USH2A: variants seen among roughly 807,000 people sequenced by gnomAD.
USH2A encodes usherin.
USH2A carries 443 observed loss-of-function variants against 538.9 expected under a neutral mutation model. That is an observed-to-expected ratio of 0.82 (90% confidence interval 0.76 to 0.89). The LOEUF (loss-of-function observed/expected upper bound fraction) is 0.89. Ranked by LOEUF, USH2A falls within the 40% of genes least tolerant of loss-of-function variation. The pLI is 0.00. For synonymous variants in USH2A, 2,413 were observed against 2,273.5 expected (o/e 1.06, Z -1.75); for missense variants, 6,633 against 6,324.8 (o/e 1.05, Z -1.65).
At chr1:215,966,816 G>T (rs1317628210) in intron 36 of USH2A, among the ~76,000 whole-genome samples, 8 of 152,126 alleles carry the variant, frequency 5.3e-5, no homozygotes, top group Non-Finnish European at 1.0e-4. Context: ...CAAATAAAAT[G>T]AGACTTGAAA....
chr1:216,380,867 C>A (rs1243821277), intron 3 of USH2A, among the ~76,000 whole-genome samples: 1 of 152,060 alleles, frequency 6.6e-6, no homozygotes, highest in East Asian at 1.9e-4. Flanking sequence ...TTTTACCAAA[C>A]TCAATATTTC....
chr1:215,757,211 T>A (rs1021306010), intron 58 of USH2A, among the ~76,000 whole-genome samples: 3 of 152,266 alleles, frequency 2.0e-5, no homozygotes, highest in Non-Finnish European at 4.4e-5. Flanking sequence ...GTACATTTAA[T>A]ATCTTAGAGC....
intron 61 of USH2A, among the ~76,000 whole-genome samples, chr1:215,716,407 C>T (rs1054869148): frequency 6.6e-6 from 1 of 152,216 alleles, no homozygotes; most frequent in Non-Finnish European, 1.5e-5. Context: ...TGGCATAAAA[C>T]CTGAATCTCA....
chr1:216,396,852 C>CTATATAT (rs1219270329), intron 3 of USH2A, among the ~76,000 whole-genome samples: 1 of 152,154 alleles, frequency 6.6e-6, no homozygotes, highest in African/African-American at 2.4e-5. Flanking sequence ...TTCGTTGAAA[C>CTATATAT]TATGTAAAAA....
At position 216,200,067 on chromosome 1, in the gene USH2A, T is replaced by G. The variant is rs1156460586; in HGVS notation, c.3371A>C (p.Tyr1124Ser). ...DLLPYTKYSYYIETTNVHGST... is the reference protein window; with the variant it reads ...DLLPYTKYSYSIETTNVHGST... ...ACCATGCACATTGGTGGTCTCAATG[T>G]AATAGGAATATTTGGTATATGGTAA... The change falls in exon 17 of 72, where the codon TAC becomes TCC. Residue 1124 changes from tyrosine (Y) to serine (S), a missense_variant. Tyr to Ser is a moderately radical substitution (Grantham distance 144). Transcript: ENST00000307340. 1 of 1,613,572 alleles carries G rather than the reference T, an allele frequency of 6.2e-7. No individual in the cohort carries two copies. Among genetic ancestry groups the G allele is most frequent in the Non-Finnish European group, 8.5e-7 (1 of 1,179,916 alleles).
intron 3 of USH2A, among the ~76,000 whole-genome samples, chr1:216,373,063 T>A (rs1265221264): frequency 6.6e-6 from 1 of 152,192 alleles, no homozygotes; most frequent in African/African-American, 2.4e-5. Flanking sequence ...AAACTGCTCT[T>A]CATACTCTCA....
At chr1:216,172,806 A>G (rs452747) in intron 21 of USH2A, among the ~76,000 whole-genome samples, 144,367 of 152,202 alleles carry the variant, frequency 0.95, 68,527 homozygotes, top group African/African-American at 0.98. Context: ...TAGCAGTGTC[A>G]GATAAGGAAT....
In USH2A at chr1:216,247,001, T is replaced by A. The variant is rs148431156; in HGVS notation, c.2393A>T (p.Asp798Val). Residue 798 changes from aspartate (D) to valine (V), a missense_variant, in exon 13 of 72, where the codon GAC becomes GTC. By Grantham distance (152) the Asp-to-Val change is radical. Coordinates refer to ENST00000307340, the MANE Select transcript of USH2A (RefSeq NM_206933.4). ...DVTNCKACDC[D>V]TAGSLPGTVC... is the part of the protein sequence containing the mutation. ...AGTCCCAGGGAGGGATCCAGCTGTG[T>A]CACAGTCACAGGCCTTACAATTGGT... 3.3e-5 allele frequency: 53 copies of A among 1,613,942 alleles called. No individual in the cohort carries two copies. The African/African-American group carries it at 6.9e-4, about 21-fold the overall frequency.
chr1:216,177,836 C>G lies in USH2A; in HGVS notation c.4397-2354G>C, dbSNP rs190853229. On this transcript the variant is annotated intron_variant, in intron 20 of 71. Transcript: ENST00000307340. ...AGTTTGTGAGCTGAGATTTATTCCCCCTTTAAGTATGTCTGCTGGATTTGA... is the reference window on the plus strand; with the variant it reads ...AGTTTGTGAGCTGAGATTTATTCCCGCTTTAAGTATGTCTGCTGGATTTGA... Among the ~76,000 whole-genome samples the G allele has an allele frequency of 7.2e-4, 109 of 152,064 alleles. 2 individuals are homozygous for G. In the East Asian group the frequency reaches 0.015, roughly 21 times the overall value.
intron 64 of USH2A, among the ~76,000 whole-genome samples, chr1:215,657,848 A>G (rs2102650401): frequency 6.6e-6 from 1 of 151,796 alleles, no homozygotes; most frequent in East Asian, 1.9e-4. Flanking sequence ...GCCATTTAAT[A>G]CTTGTGAATA....
rs542907290 is a variant in USH2A at position 215,717,142 on chromosome 1, T to C, written c.12066+10888A>G. Among the ~76,000 whole-genome samples, 9 of 152,298 alleles carry C rather than the reference T, an allele frequency of 5.9e-5. No individual in the cohort carries two copies. In the East Asian group the frequency reaches 1.7e-3, roughly 30 times the overall value. On this transcript the variant is annotated intron_variant, in intron 61 of 71. Coordinates refer to ENST00000307340, the MANE Select transcript of USH2A (RefSeq NM_206933.4). ...GGAGAGATGAAAGAAACCCATTAAC[T>C]GCTTGGTAAAACATTCCTTATTGGC...
intron 22 of USH2A, among the ~76,000 whole-genome samples, chr1:216,090,966 A>G (rs2032287172): frequency 6.6e-6 from 1 of 152,176 alleles, no homozygotes; most frequent in African/African-American, 2.4e-5. Context: ...GTGGTTCTTC[A>G]TATTTTGTTT....
chr1:216,062,747 A>G (rs977133691), intron 30 of USH2A, among the ~76,000 whole-genome samples: 1 of 152,208 alleles, frequency 6.6e-6, no homozygotes, highest in Admixed American at 6.6e-5. Context: ...CGTGTTCTGA[A>G]CTACTAAAAT....
intron 3 of USH2A, among the ~76,000 whole-genome samples, chr1:216,373,916 T>G (rs898062317): frequency 4.6e-5 from 7 of 152,016 alleles, no homozygotes; most frequent in African/African-American, 1.7e-4. Flanking sequence ...TGGAATACTA[T>G]GCAGCCATAA....
In USH2A at chr1:215,846,044, TA is replaced by T. The variant is rs753727740; in HGVS notation, c.8846-12del. On this transcript the variant is annotated splice_polypyrimidine_tract_variant and intron_variant, in intron 44 of 71. Transcript: ENST00000307340. ...GTAGGTCTTGAACAGCTGTCAACAA[TA>T]AATGCAGGACATGGTGAATGTAGCT... 29 of 1,593,642 alleles carry T rather than the reference TA, an allele frequency of 1.8e-5. No individual in the cohort carries two copies. Among genetic ancestry groups the T allele is most frequent in the Non-Finnish European group, 2.4e-5 (28 of 1,167,850 alleles).
Position 215,675,226 on chromosome 1 carries a change from C to G in USH2A, c.12685G>C (p.Gly4229Arg). ...TCACACTGCGTCCATGGTTGCAAACCTGTGTCATTATACATAAATGTATTC... is the reference window on the plus strand; with the variant it reads ...TCACACTGCGTCCATGGTTGCAAACGTGTGTCATTATACATAAATGTATTC... ...ERNTFMYNDT[G>R]LQPWTQCEYK... is the part of the protein sequence containing the mutation. The change falls in exon 63 of 72, where the codon GGT becomes CGT. Residue 4229 changes from glycine to arginine, a missense_variant. Coordinates refer to ENST00000307340, the MANE Select transcript of USH2A (RefSeq NM_206933.4). 1 of 1,614,134 alleles carries G rather than the reference C, an allele frequency of 6.2e-7. No individual in the cohort carries two copies. Among genetic ancestry groups the G allele is most frequent in the Non-Finnish European group, 8.5e-7 (1 of 1,180,028 alleles).
chr1:215,827,605 C>T lies in USH2A; in HGVS notation c.9371+10386G>A, dbSNP rs373501714. 5.3e-5 allele frequency among the ~76,000 whole-genome samples: 8 copies of T among 152,174 alleles called. No homozygotes were observed. The East Asian group carries it at 1.5e-3, about 29-fold the overall frequency. ...CATGGCCATCAAATGAGTAATATTT[C>T]CTAAAAGCCATGGTGACCATAAGGC... On this transcript the variant is annotated intron_variant, in intron 47 of 71. Transcript: ENST00000307340.
intron 35 of USH2A, among the ~76,000 whole-genome samples, chr1:215,973,645 T>C (rs1001305666): frequency 1.2e-4 from 13 of 111,358 alleles, no homozygotes; most frequent in African/African-American, 3.8e-4. Flanking sequence ...AATTTACTTC[T>C]TCTTCTTCTT....
intron 61 of USH2A, among the ~76,000 whole-genome samples, chr1:215,703,383 A>G (rs1359552421): frequency 6.6e-6 from 1 of 152,128 alleles, no homozygotes; most frequent in Non-Finnish European, 1.5e-5. Context: ...AGCAGGCAGG[A>G]ACGTTTAAGT....
Sources: allele counts gnomAD v4.1 joint callset (sites outside exome capture counted in the v4.1 genomes callset), GRCh38; gene constraint gnomAD v4.1.1; transcripts MANE v1.5; gene names NCBI Gene and HGNC (gene_info 2026-07-23, HGNC 2026-07-21).